Variants in EDIL3 observed in about 807,000 individuals in gnomAD.
The protein encoded by EDIL3 is EGF-like repeat and discoidin I-like domain-containing protein 3.
Under a neutral mutation model 67.4 loss-of-function variants are expected in EDIL3, and 37 were observed. That is an observed-to-expected ratio of 0.55 (90% CI 0.42 to 0.72). EDIL3 has a LOEUF of 0.72. Ranked by LOEUF, EDIL3 falls within the 30% of genes least tolerant of loss-of-function variation. The pLI is 0.00. For missense variants in EDIL3, 527 were observed against 586.3 expected (o/e 0.90, Z 1.04); for synonymous variants, 195 against 196.3 (o/e 0.99, Z 0.05).
intron 2 of EDIL3, among the ~76,000 whole-genome samples, chr5:84,236,917 C>T (rs1195806531): frequency 6.6e-6 from 1 of 151,488 alleles, no homozygotes; most frequent in Non-Finnish European, 1.5e-5. Flanking sequence ...CAGATTTATC[C>T]ATTTTCAATA....
At chr5:84,125,971 C>T (rs1747863765) in intron 5 of EDIL3, among the ~76,000 whole-genome samples, 1 of 151,840 alleles carries the variant, frequency 6.6e-6, no homozygotes, top group South Asian at 2.1e-4. Flanking sequence ...ACCTCTTTTC[C>T]TTAGTCTTTT....
intron 1 of EDIL3, among the ~76,000 whole-genome samples, chr5:84,298,576 T>C (rs867262472): frequency 3.9e-5 from 6 of 152,274 alleles, no homozygotes; most frequent in Middle Eastern, 3.4e-3. Context: ...GGCACACGTT[T>C]ACCTATGTAA....
chr5:84,312,227 G>A (rs547812740), intron 1 of EDIL3, among the ~76,000 whole-genome samples: 24 of 142,140 alleles, frequency 1.7e-4, no homozygotes, highest in Admixed American at 4.1e-4. Flanking sequence ...GCGGCTGGCC[G>A]GGTGGGGGGC....
intron 3 of EDIL3, among the ~76,000 whole-genome samples, chr5:84,217,927 G>A (rs552617447): frequency 6.6e-6 from 1 of 151,706 alleles, no homozygotes; most frequent in East Asian, 1.9e-4. Flanking sequence ...TGTTACTTTG[G>A]GTTTAATTTC....
chr5:84,060,269 T>C (rs1186049992), intron 9 of EDIL3, 31 bp downstream of exon 9: 4 of 1,607,254 alleles, frequency 2.5e-6, no homozygotes, highest in Admixed American at 3.4e-5. Context: ...AGAGGAACAG[T>C]GGGTAGTGAA....
intron 9 of EDIL3, among the ~76,000 whole-genome samples, chr5:83,969,937 T>C (rs1744761796): frequency 6.6e-6 from 1 of 151,748 alleles, no homozygotes; most frequent in Admixed American, 6.6e-5. Context: ...CCATATAATA[T>C]ATTACAGTCA....
intron 9 of EDIL3, among the ~76,000 whole-genome samples, chr5:83,998,290 T>C (rs1412251247): frequency 1.3e-5 from 2 of 152,166 alleles, no homozygotes; most frequent in African/African-American, 2.4e-5. Flanking sequence ...CCTGATGCTC[T>C]CATTTCAGGC....
In EDIL3 at chr5:84,254,127, T is replaced by G; in HGVS notation, c.153A>C (p.Pro51=). The G allele has an allele frequency of 6.2e-7, 1 of 1,613,178 alleles. No individual in the cohort carries two copies. Among genetic ancestry groups the G allele is most frequent in the Non-Finnish European group, 8.5e-7 (1 of 1,179,496 alleles). ...LADGSFSCEC[P]DGFTDPNCSS... is the part of the protein sequence containing the mutation. ...AACAGTTGGGGTCTGTGAAGCCATC[T>G]GGACACTCACAGGAAAAGGAACCAT... The change falls in exon 2 of 11, where the codon CCA becomes CCC. Residue 51 remains proline (P), a synonymous_variant. Transcript: ENST00000296591.
intron 2 of EDIL3, among the ~76,000 whole-genome samples, chr5:84,248,446 ATG>A (rs1300944433): frequency 1.3e-5 from 2 of 152,096 alleles, no homozygotes; most frequent in Non-Finnish European, 2.9e-5. Context: ...TTAAATATTG[ATG>A]GCCTCTTACC....
chr5:84,117,034 T>A lies in EDIL3; in HGVS notation c.470-10204A>T, dbSNP rs1001888298. Among the ~76,000 whole-genome samples, 7 of 138,808 alleles carry A rather than the reference T, an allele frequency of 5.0e-5. 1 individual carries two copies. Among genetic ancestry groups the A allele is most frequent in the African/African-American group, 1.9e-4 (7 of 37,000 alleles). 91.1% of individuals were successfully genotyped at this position (138,808 alleles called of 152,430 possible). A position where few individuals can be genotyped will look rare whatever the true frequency, so the allele number is the denominator to read the frequency against. ...GTTAAGTACTTATTTTTTTTTTTTTTTTTTTTTTTTTGAGACGGAGTCTCG... is the reference window on the plus strand; with the variant it reads ...GTTAAGTACTTATTTTTTTTTTTTTATTTTTTTTTTTGAGACGGAGTCTCG... On this transcript the variant is annotated intron_variant, in intron 5 of 10. Coordinates refer to ENST00000296591, the MANE Select transcript of EDIL3 (RefSeq NM_005711.5).
intron 9 of EDIL3, among the ~76,000 whole-genome samples, chr5:84,032,238 T>C (rs1404877001): frequency 6.6e-6 from 1 of 152,206 alleles, no homozygotes; most frequent in African/African-American, 2.4e-5. Flanking sequence ...TAAAACTTGC[T>C]TGGTCTTTAA....
intron 1 of EDIL3, among the ~76,000 whole-genome samples, chr5:84,371,670 A>G (rs1330868495): frequency 2.0e-5 from 3 of 151,802 alleles, no homozygotes; most frequent in Non-Finnish European, 4.4e-5. Flanking sequence ...AGGTTACTCC[A>G]TATCTGAGGG....
chr5:84,242,188 C>T (rs1259118632), intron 2 of EDIL3, among the ~76,000 whole-genome samples: 3 of 151,166 alleles, frequency 2.0e-5, no homozygotes, highest in Admixed American at 6.6e-5. Context: ...GCCGAGATCA[C>T]GCCACTGCAC....
chr5:84,142,047 T>A (rs1246300336), intron 4 of EDIL3, among the ~76,000 whole-genome samples: 2 of 150,874 alleles, frequency 1.3e-5, no homozygotes, highest in Non-Finnish European at 3.0e-5. Context: ...CACATCCACA[T>A]CCTGAGAAAT....
intron 5 of EDIL3, among the ~76,000 whole-genome samples, chr5:84,111,315 C>A (rs950201185): frequency 6.6e-6 from 1 of 152,076 alleles, no homozygotes; most frequent in African/African-American, 2.4e-5. Context: ...GAATTAAATA[C>A]CTACAGTTTA....
intron 5 of EDIL3, among the ~76,000 whole-genome samples, chr5:84,126,761 C>T (rs375465713): frequency 6.6e-6 from 1 of 152,042 alleles, no homozygotes; most frequent in East Asian, 1.9e-4. Context: ...GTCCACCTAT[C>T]CTTTGCGATC....
chr5:84,262,427 T>A (rs1244516765), intron 1 of EDIL3, among the ~76,000 whole-genome samples: 1 of 152,162 alleles, frequency 6.6e-6, no homozygotes, highest in African/African-American at 2.4e-5. Flanking sequence ...AAGGTATTTA[T>A]GTGACTAGCT....
intron 1 of EDIL3, among the ~76,000 whole-genome samples, chr5:84,367,696 TC>T (rs1289038939): frequency 1.3e-5 from 2 of 152,098 alleles, no homozygotes; most frequent in Admixed American, 6.6e-5. Context: ...GACAGGCGAA[TC>T]CCTTGAATCC....
At chr5:83,959,928 G>A (rs1744577779) in intron 10 of EDIL3, among the ~76,000 whole-genome samples, 1 of 150,686 alleles carries the variant, frequency 6.6e-6, no homozygotes, top group Non-Finnish European at 1.5e-5. Context: ...AAATAACTTA[G>A]GCAATACATT....
Sources: gnomAD v4.1 joint callset for allele counts (sites outside exome capture counted in the v4.1 genomes callset) on GRCh38, gnomAD v4.1.1 for gene constraint, MANE v1.5 for transcripts, NCBI Gene and HGNC (gene_info 2026-07-23, HGNC 2026-07-21) for gene names.